Variants in SMARCB1 observed in about 807,000 individuals in gnomAD.
SMARCB1 encodes SWI/SNF related BAF chromatin remodeling complex subunit B1.
SMARCB1 carries 5 observed loss-of-function variants against 49.0 expected under a neutral mutation model. That is an observed-to-expected ratio of 0.10 (90% confidence interval 0.05 to 0.21). The LOEUF (loss-of-function observed/expected upper bound fraction) is 0.21. Ranked by LOEUF, SMARCB1 falls within the 10% of genes least tolerant of loss-of-function variation. SMARCB1 has a pLI of 1.00. For missense variants in SMARCB1, 226 were observed against 509.2 expected, an observed-to-expected ratio of 0.44 and a Z score of 5.35; for synonymous variants, 201 against 200.1, an observed-to-expected ratio of 1.00 and a Z score of -0.04.
intron 7 of SMARCB1, among the ~76,000 whole-genome samples, chr22:23,829,916 G>C (rs767725616): frequency 2.6e-5 from 4 of 152,150 alleles, no homozygotes; most frequent in Non-Finnish European, 5.9e-5. Flanking sequence ...CATCTAATAT[G>C]TGGTCTTTTA....
Position 23,803,438 on chromosome 22 carries a change from G to C in SMARCB1, c.628+16G>C. 1 of 1,613,834 alleles carries C rather than the reference G, an allele frequency of 6.2e-7. No homozygotes were observed. Among genetic ancestry groups the C allele is most frequent in the Non-Finnish European group, 8.5e-7 (1 of 1,179,976 alleles). On this transcript the variant is annotated intron_variant, in intron 5 of 8. Coordinates refer to ENST00000644036, the MANE Select transcript of SMARCB1 (RefSeq NM_003073.5). ...AACATGAATGGTACAAGGCAGTCGG[G>C]CTTGGCTGGGCCTGGCCCCAACCCC... is the stretch of plus-strand genomic sequence containing the variant.
intron 4 of SMARCB1, chr22:23,801,635 C>T (rs897405359): frequency 1.2e-5 from 4 of 339,976 alleles, no homozygotes; most frequent in East Asian, 7.6e-5. Flanking sequence ...GGGGCTGCCA[C>T]GTTCCAGTCT....
intron 7 of SMARCB1, among the ~76,000 whole-genome samples, chr22:23,827,918 C>T (rs1463862102): frequency 6.6e-6 from 1 of 152,094 alleles, no homozygotes; most frequent in Non-Finnish European, 1.5e-5. Flanking sequence ...TCAGTCCTGC[C>T]TGGCCCTGCC....
At chr22:23,825,546 G>A (rs1568957909) in intron 7 of SMARCB1, 131 bp downstream of exon 7, 2 of 804,018 alleles carry the variant, frequency 2.5e-6, no homozygotes, top group Non-Finnish European at 4.0e-6. Flanking sequence ...TGGGGTCTGT[G>A]TGTTTGCTCC....
At chr22:23,793,852 G>A (rs921243508) in intron 3 of SMARCB1, among the ~76,000 whole-genome samples, 164 bp downstream of exon 3, 3 of 150,622 alleles carry the variant, frequency 2.0e-5, no homozygotes, top group Non-Finnish European at 4.4e-5. Flanking sequence ...CACGATCTTG[G>A]CTCACTGCAA....
At chr22:23,831,833 G>C (rs562685915) in intron 7 of SMARCB1, among the ~76,000 whole-genome samples, 1 of 152,210 alleles carries the variant, frequency 6.6e-6, no homozygotes, top group South Asian at 2.1e-4. Context: ...GTGGTCCCTA[G>C]ACTGCTAAAC....
intron 7 of SMARCB1, among the ~76,000 whole-genome samples, chr22:23,831,519 G>A (rs1242373548): frequency 2.0e-5 from 3 of 152,168 alleles, no homozygotes; most frequent in African/African-American, 7.2e-5. Context: ...TGGAACTCAG[G>A]ACAGCATCTC....
At chr22:23,801,662 G>A (rs1049054009) in intron 4 of SMARCB1, 4 of 316,416 alleles carry the variant, frequency 1.3e-5, no homozygotes, top group Non-Finnish European at 2.5e-5. Context: ...CTGTGGTCAC[G>A]TGGCCTTCTC....
chr22:23,803,133 G>C, intron 4 of SMARCB1, 162 bp from the exon 5 acceptor site: 1 of 871,608 alleles, frequency 1.1e-6, no homozygotes, highest in Non-Finnish European at 1.9e-6. Flanking sequence ...CGTGGCCCCG[G>C]GACCCCTGCT....
intron 3 of SMARCB1, among the ~76,000 whole-genome samples, chr22:23,795,391 C>T (rs1333300624): frequency 6.6e-6 from 1 of 152,126 alleles, no homozygotes; most frequent in Non-Finnish European, 1.5e-5. Flanking sequence ...CACGGTGGCT[C>T]ACGCCTGTAA....
At chr22:23,789,406 T>C (rs1601385695) in intron 1 of SMARCB1, among the ~76,000 whole-genome samples, 1 of 152,224 alleles carries the variant, frequency 6.6e-6, no homozygotes, top group African/African-American at 2.4e-5. Context: ...AGTTTGGCTC[T>C]AAGTAGGTGA....
In SMARCB1 at chr22:23,794,448, C is replaced by T. The variant is rs34282953; in HGVS notation, c.362+760C>T. Reference sequence around the variant, plus strand: ...TTGTAATCCCAGCGCTTTGGGAGGCCGAGGCATTGCTTGAGGCCAGGAGTT... The same window carrying T: ...TTGTAATCCCAGCGCTTTGGGAGGCTGAGGCATTGCTTGAGGCCAGGAGTT... On this transcript the variant is annotated intron_variant, in intron 3 of 8. Coordinates refer to ENST00000644036, the MANE Select transcript of SMARCB1 (RefSeq NM_003073.5). Among the ~76,000 whole-genome samples, 1,121 of 152,108 alleles carry T rather than the reference C, an allele frequency of 7.4e-3. 10 individuals carry two copies. The highest frequency in any genetic ancestry group is 0.027 in the Middle Eastern group (8 of 294).
At chr22:23,788,406 C>T (rs1037656800) in intron 1 of SMARCB1, among the ~76,000 whole-genome samples, 1 of 152,154 alleles carries the variant, frequency 6.6e-6, no homozygotes, top group Non-Finnish European at 1.5e-5. Context: ...CATATTCCAG[C>T]ATTTTATTCG....
chr22:23,807,961 A>ATT lies in SMARCB1; in HGVS notation c.628+4556_628+4557dup, dbSNP rs374625560. On this transcript the variant is annotated intron_variant, in intron 5 of 8. Coordinates refer to ENST00000644036, the MANE Select transcript of SMARCB1 (RefSeq NM_003073.5). ...AGGTGCCCACCACCACACCCGGCTA[A>ATT]TTTTTTTTTTTTTTTTTTGAGACGG... is the stretch of plus-strand genomic sequence containing the variant. 6.4e-3 allele frequency among the ~76,000 whole-genome samples: 673 copies of ATT among 105,216 alleles called. 14 individuals carry two copies. The highest frequency in any genetic ancestry group is 0.022 in the African/African-American group (591 of 26,506). 69.0% of individuals were successfully genotyped at this position (105,216 alleles called of 152,430 possible). A position where few individuals can be genotyped will look rare whatever the true frequency, so the allele number is the denominator to read the frequency against.
Position 23,834,258 on chromosome 22 carries a change from G to C in SMARCB1, c.*78G>C. On this transcript the variant is annotated 3_prime_UTR_variant, in exon 9 of 9. Coordinates refer to ENST00000644036, the MANE Select transcript of SMARCB1 (RefSeq NM_003073.5). ...TCTCCTCCATCTTCTGGCAAGGACA[G>C]AGGCGAGGGGACAGCCCAGCGCCAT... The C allele has an allele frequency of 6.9e-7, 1 of 1,457,878 alleles. No homozygotes were observed. The highest frequency in any genetic ancestry group is 1.2e-5 in the South Asian group (1 of 82,396). 90.3% of individuals were successfully genotyped at this position (1,457,878 alleles called of 1,614,324 possible). A position where few individuals can be genotyped will look rare whatever the true frequency, so the allele number is the denominator to read the frequency against.
At chr22:23,794,373 C>T (rs1338882178) in intron 3 of SMARCB1, among the ~76,000 whole-genome samples, 1 of 152,182 alleles carries the variant, frequency 6.6e-6, no homozygotes, top group East Asian at 1.9e-4. Context: ...TTCCGGAGAA[C>T]AGTTACAAAT....
chr22:23,800,678 T>TG (rs1379396683), intron 3 of SMARCB1, among the ~76,000 whole-genome samples: 3 of 152,296 alleles, frequency 2.0e-5, no homozygotes, highest in Admixed American at 1.3e-4. Flanking sequence ...AGTGCTTCCG[T>TG]GGAGCCATGC....
intron 1 of SMARCB1, 116 bp downstream of exon 1, chr22:23,787,378 C>CGT: frequency 2.0e-6 from 1 of 501,394 alleles, no homozygotes; most frequent in Non-Finnish European, 3.4e-6. Context: ...CGCGCGCGCG[C>CGT]GCGCTCGGGG....
At chr22:23,799,932 C>T (rs1285353285) in intron 3 of SMARCB1, among the ~76,000 whole-genome samples, 1 of 152,054 alleles carries the variant, frequency 6.6e-6, no homozygotes, top group African/African-American at 2.4e-5. Flanking sequence ...GATCTGCCCG[C>T]GTCGGCCTCC....
Sources: gnomAD v4.1 joint callset for allele counts (sites outside exome capture counted in the v4.1 genomes callset) on GRCh38, gnomAD v4.1.1 for gene constraint, MANE v1.5 for transcripts, NCBI Gene and HGNC (gene_info 2026-07-23, HGNC 2026-07-21) for gene names.